Variants in PSG11 observed in about 807,000 individuals in gnomAD.
The protein encoded by PSG11 is pregnancy specific beta-1-glycoprotein 11, also known as pregnancy-specific beta-1-glycoprotein 11.
PSG11 carries 42 observed loss-of-function variants against 36.0 expected under a neutral mutation model. The ratio of observed to expected loss-of-function variants is 1.17; its 90% CI spans 0.91 to 1.51. PSG11 has a LOEUF of 1.51. Among genes scored for constraint, PSG11 ranks in the 40% most tolerant of loss-of-function variants. PSG11 has a pLI of 0.00. For synonymous variants in PSG11, 206 were observed against 153.5 expected (o/e 1.34, Z -2.53); for missense variants, 558 against 403.5 (o/e 1.38, Z -3.28).
intron 5 of PSG11, among the ~76,000 whole-genome samples, chr19:43,008,380 C>T (rs1415023272): frequency 2.0e-5 from 3 of 151,212 alleles, no homozygotes; most frequent in African/African-American, 2.4e-5. Context: ...TCATGCCATT[C>T]TTCTGCCTCA....
intron 4 of PSG11, chr19:43,014,238 T>C: frequency 1.6e-6 from 1 of 637,764 alleles, no homozygotes; most frequent in Non-Finnish European, 1.9e-6. Flanking sequence ...CAGTTAATGG[T>C]AAGCCTTATA....
At chr19:43,010,449 TC>T (rs1383236938) in intron 4 of PSG11, 30 of 1,366,908 alleles carry the variant, frequency 2.2e-5, no homozygotes, top group Non-Finnish European at 3.0e-5. Flanking sequence ...AAGGCCCAGG[TC>T]AGTGCATTTC....
rs1051798385 is a variant in PSG11 at position 43,021,799 on chromosome 19, C to T, written c.431-2751G>A. On this transcript the variant is annotated intron_variant, in intron 2 of 5. Coordinates refer to ENST00000320078, the MANE Select transcript of PSG11 (RefSeq NM_002785.3). ...ATCAGAGAATGTAAGCTCCATAGCA[C>T]GTTGACGATGGAGTCATGAGTGAAA... Among the ~76,000 whole-genome samples the T allele has an allele frequency of 5.9e-5, 9 of 151,412 alleles. 1 individual carries two copies. The highest frequency in any genetic ancestry group is 2.2e-4 in the African/African-American group (9 of 41,028).
chr19:43,024,340 T>C, intron 2 of PSG11: 1 of 361,504 alleles, frequency 2.8e-6, no homozygotes, highest in Non-Finnish European at 5.0e-6. Context: ...TGAGAGTATC[T>C]CAGGGGCCCC....
At chr19:43,019,178 T>G in intron 2 of PSG11, 130 bp from the exon 3 acceptor site, 1 of 1,508,438 alleles carries the variant, frequency 6.6e-7, no homozygotes. Context: ...GGCAGGTGTG[T>G]GTGTTACAAC....
Position 43,007,901 on chromosome 19 carries a change from T to A in PSG11, c.*182A>T, listed in dbSNP as rs1973969903. 2.6e-6 allele frequency: 1 copy of A among 385,548 alleles called. No individual in the cohort carries two copies. Among genetic ancestry groups the A allele is most frequent in the East Asian group, 3.7e-5 (1 of 26,792 alleles). The allele number at this position is 385,548 out of a possible 1,614,324, so 23.9% of individuals were successfully genotyped here. A position where few individuals can be genotyped will look rare whatever the true frequency, so the allele number is the denominator to read the frequency against. On this transcript the variant is annotated 3_prime_UTR_variant, in exon 6 of 6. Transcript: ENST00000320078. ...GTTATTTAGTCCAATGAAATGGAGT[T>A]CTTTTCTTCTTTGTCTTGAATTTCA...
chr19:43,015,951 G>A, intron 3 of PSG11: 5 of 1,610,142 alleles, frequency 3.1e-6, no homozygotes, highest in Non-Finnish European at 4.2e-6. Flanking sequence ...TGTAGGCATA[G>A]TTCTCACTCT....
chr19:43,012,055 AC>A (rs920236195), intron 4 of PSG11, among the ~76,000 whole-genome samples: 1 of 151,454 alleles, frequency 6.6e-6, no homozygotes, highest in Non-Finnish European at 1.5e-5. Flanking sequence ...TATGAATAAA[AC>A]TATAATCAGT....
intron 2 of PSG11, among the ~76,000 whole-genome samples, chr19:43,020,723 A>C (rs566312789): frequency 6.6e-6 from 1 of 151,506 alleles, no homozygotes; most frequent in African/African-American, 2.4e-5. Context: ...TTAAAAGGAC[A>C]GAACTGGTCA....
intron 3 of PSG11, 72 bp from the exon 4 acceptor site, chr19:43,015,442 A>G: frequency 6.6e-7 from 1 of 1,513,646 alleles, no homozygotes; most frequent in Non-Finnish European, 9.0e-7. Flanking sequence ...TCTTAAAGGG[A>G]CACAGTGACC....
chr19:43,010,680 T>C (rs1974052395), intron 4 of PSG11: 1 of 202,612 alleles, frequency 4.9e-6, no homozygotes, highest in Admixed American at 5.7e-5. Flanking sequence ...GGTCTGTGGG[T>C]TCTCCTGTAC....
chr19:43,023,640 G>T (rs1034900263), intron 2 of PSG11, among the ~76,000 whole-genome samples: 4 of 151,180 alleles, frequency 2.6e-5, no homozygotes, highest in Admixed American at 2.0e-4. Context: ...ACTATGGGGT[G>T]CTTGGAACCC....
At position 43,024,062 on chromosome 19, in the gene PSG11, A is replaced by T. The variant is rs150436033; in HGVS notation, c.430+629T>A. Among the ~76,000 whole-genome samples, 926 of 151,412 alleles carry T rather than the reference A, an allele frequency of 6.1e-3. 28 individuals are homozygous for T. The highest frequency in any genetic ancestry group is 0.021 in the African/African-American group (874 of 41,074). On this transcript the variant is annotated intron_variant, in intron 2 of 5. Coordinates refer to ENST00000320078, the MANE Select transcript of PSG11 (RefSeq NM_002785.3). ...AGCCTCCTAAGGCAGTTGGCTGATG[A>T]CCTACAAAGCTTGTCTTTCTGTCCT...
At chr19:43,022,788 A>T (rs1432591027) in intron 2 of PSG11, among the ~76,000 whole-genome samples, 1 of 150,956 alleles carries the variant, frequency 6.6e-6, no homozygotes, top group East Asian at 1.9e-4. Flanking sequence ...TTGGCTCGAG[A>T]TGAAGCCTGG....
At chr19:43,013,848 G>A (rs1966890387) in intron 4 of PSG11, among the ~76,000 whole-genome samples, 1 of 151,408 alleles carries the variant, frequency 6.6e-6, no homozygotes. Context: ...ACTCACACTA[G>A]CCAAAAAATG....
intron 2 of PSG11, among the ~76,000 whole-genome samples, chr19:43,023,518 G>C (rs115100288): frequency 0.016 from 2,457 of 151,272 alleles, 150 homozygotes; most frequent in African/African-American, 0.056. Flanking sequence ...CACTGACTTT[G>C]ATGGTTGAAG....
rs527275238 is a variant in PSG11, at chr19:43,015,293, C to A, written c.787G>T (p.Ala263Ser). Residue 263 changes from alanine (A) to serine (S), a missense_variant, in exon 4 of 6, where the codon GCA (alanine) becomes TCA (serine). Coordinates refer to ENST00000320078, the MANE Select transcript of PSG11 (RefSeq NM_002785.3). Reference sequence around the variant, plus strand: ...TACTGTGCTGGTGGGTTAGAGTTTGCGAAGCAGGACAAGTCGAGGTTCTCT... The same window carrying A: ...TACTGTGCTGGTGGGTTAGAGTTTGAGAAGCAGGACAAGTCGAGGTTCTCT... ...SGENLDLSCFANSNPPAQYSW... is the reference protein window; with the variant it reads ...SGENLDLSCFSNSNPPAQYSW... 31 of 1,610,316 alleles carry A rather than the reference C, an allele frequency of 1.9e-5. 1 individual carries two copies. Among genetic ancestry groups the A allele is most frequent in the African/African-American group, 2.7e-5 (2 of 74,348 alleles).
intron 4 of PSG11, 96 bp from the exon 5 acceptor site, chr19:43,010,137 T>C (rs1974037394): frequency 8.0e-6 from 12 of 1,506,224 alleles, no homozygotes; most frequent in Non-Finnish European, 1.1e-5. Context: ...TACTGTATAA[T>C]TGTTTCTTCA....
intron 2 of PSG11, chr19:43,024,453 C>T: frequency 1.7e-6 from 1 of 597,650 alleles, no homozygotes; most frequent in East Asian, 2.9e-5. Context: ...TGCTGAGTCC[C>T]CCCATCAGAC....
Sources: allele counts gnomAD v4.1 joint callset (sites outside exome capture counted in the v4.1 genomes callset), GRCh38; gene constraint gnomAD v4.1.1; transcripts MANE v1.5; gene names NCBI Gene and HGNC (gene_info 2026-07-23, HGNC 2026-07-21).